Variants in LHX8 observed in about 807,000 individuals in gnomAD.
LHX8 encodes LIM/homeobox protein Lhx8.
A neutral mutation model predicts 40.3 loss-of-function variants in LHX8; 12 were observed. The ratio of observed to expected loss-of-function variants is 0.30; its 90% CI spans 0.19 to 0.48. The LOEUF is 0.48. Ranked by LOEUF, LHX8 falls within the 20% of genes least tolerant of loss-of-function variation. The pLI is 0.99. For missense variants in LHX8, 344 were observed against 433.7 expected, an observed-to-expected ratio of 0.79 and a Z score of 1.84; for synonymous variants, 179 against 162.0, an observed-to-expected ratio of 1.10 and a Z score of -0.80.
chr1:75,130,928 AT>A, upstream of LHX8: 1 of 660,844 alleles, frequency 1.5e-6, no homozygotes, highest in East Asian at 2.7e-5. Context: ...GCCAACCAGA[AT>A]TCTGCCAGAA....
At chr1:75,135,242 G>A (rs1427831074) in intron 1 of LHX8, among the ~76,000 whole-genome samples, 5 of 152,246 alleles carry the variant, frequency 3.3e-5, no homozygotes, top group African/African-American at 1.2e-4. Context: ...AAGCTGACAA[G>A]CTCTCACCTC....
At chr1:75,190,920 AAAG>A in the LHX8 span, among the ~76,000 whole-genome samples, 1 of 152,212 alleles carries the variant, frequency 6.6e-6, no homozygotes, top group Non-Finnish European at 1.5e-5. Flanking sequence ...GAGTTTAAAA[AAAG>A]AAAAGATTAT....
the LHX8 span, among the ~76,000 whole-genome samples, chr1:75,181,395 T>C: frequency 1.3e-5 from 2 of 152,190 alleles, no homozygotes; most frequent in Non-Finnish European, 1.5e-5. Flanking sequence ...CTGCTTTGTT[T>C]ACTTACTCAA....
At chr1:75,191,317 A>G in the LHX8 span, among the ~76,000 whole-genome samples, 2 of 152,124 alleles carry the variant, frequency 1.3e-5, no homozygotes, top group Non-Finnish European at 2.9e-5. Flanking sequence ...GCAACCCACA[A>G]TGCCATTAAT....
chr1:75,161,031 T>G lies in LHX8; in HGVS notation c.*136T>G. On this transcript the variant is annotated 3_prime_UTR_variant, in exon 9 of 9. Transcript: ENST00000356261. ...TTCCAACATCACTTTGCTGCCCAGGTATGTATCTATAGTTGGCCTGCAAGA... is the reference window on the plus strand; with the variant it reads ...TTCCAACATCACTTTGCTGCCCAGGGATGTATCTATAGTTGGCCTGCAAGA... The G allele has an allele frequency of 1.5e-6, 1 of 688,116 alleles. No homozygotes were observed. Among genetic ancestry groups the G allele is most frequent in the Non-Finnish European group, 2.6e-6 (1 of 388,114 alleles). 42.6% of individuals were successfully genotyped at this position (688,116 alleles called of 1,614,324 possible).
intron 8 of LHX8, 25 bp from the exon 9 acceptor site, chr1:75,160,794 C>T (rs771706576): frequency 6.5e-7 from 1 of 1,537,260 alleles, no homozygotes. Flanking sequence ...CAAAACTGAT[C>T]CACAAATTTC....
At chr1:75,190,297 G>T in the LHX8 span, among the ~76,000 whole-genome samples, 2 of 151,466 alleles carry the variant, frequency 1.3e-5, no homozygotes, top group Admixed American at 1.3e-4. Flanking sequence ...ACTTTTTTGG[G>T]GCTTTTTATT....
chr1:75,130,566 C>T (rs1647935277), upstream of LHX8: 1 of 794,456 alleles, frequency 1.3e-6, no homozygotes, highest in African/African-American at 1.7e-5. Flanking sequence ...GACGGAGGCC[C>T]TCGCCCGCTT....
At chr1:75,146,277 G>C (rs937344337) in intron 6 of LHX8, among the ~76,000 whole-genome samples, 5 of 152,082 alleles carry the variant, frequency 3.3e-5, no homozygotes, top group African/African-American at 1.2e-4. Context: ...AGTTAAAATG[G>C]AAGGGATAAA....
At chr1:75,149,587 G>A (rs550640435) in intron 7 of LHX8, among the ~76,000 whole-genome samples, 18 of 152,120 alleles carry the variant, frequency 1.2e-4, no homozygotes, top group Admixed American at 5.9e-4. Context: ...AGGGTCATGG[G>A]TGGCCTAGGC....
chr1:75,136,765 G>A (rs988992486), intron 2 of LHX8, 76 bp downstream of exon 2: 4 of 1,276,368 alleles, frequency 3.1e-6, no homozygotes, highest in South Asian at 1.3e-5. Context: ...CGCTGTCCCC[G>A]CGCTCCTTCC....
chr1:75,192,566 G>A, the LHX8 span, among the ~76,000 whole-genome samples: 1 of 152,250 alleles, frequency 6.6e-6, no homozygotes, highest in Admixed American at 6.5e-5. Context: ...ATCACAGAAA[G>A]GGATCAGACT....
chr1:75,195,404 A>G, the LHX8 span, among the ~76,000 whole-genome samples: 1 of 152,106 alleles, frequency 6.6e-6, no homozygotes, highest in African/African-American at 2.4e-5. Context: ...AGAGGGAGAA[A>G]AGGAAACAGT....
the LHX8 span, among the ~76,000 whole-genome samples, chr1:75,178,604 G>T: frequency 6.6e-6 from 1 of 151,558 alleles, no homozygotes; most frequent in Non-Finnish European, 1.5e-5. Context: ...TCAATTTGTT[G>T]ATCTTTTCAA....
chr1:75,163,032 T>TG (rs1648961974), downstream of LHX8, among the ~76,000 whole-genome samples: 1 of 151,192 alleles, frequency 6.6e-6, no homozygotes, highest in Admixed American at 6.6e-5. Context: ...TTTTTTTTTT[T>TG]GCAATTCAAA....
rs1648160478 is a variant in LHX8 at position 75,136,975 on chromosome 1, A to G, written c.76-125A>G. ...GAGGGCGAGAATCGTGACCTCAAGA[A>G]GCTGGGGGTGGGGTGGGGTGGCCAG... On this transcript the variant is annotated intron_variant, in intron 2 of 8. Coordinates refer to ENST00000356261, the MANE Select transcript of LHX8 (RefSeq NM_001256114.2). 4.5e-5 allele frequency: 34 copies of G among 750,204 alleles called. 1 individual carries two copies. The South Asian group carries it at 9.1e-4, about 20-fold the overall frequency. The allele number at this position is 750,204 out of a possible 1,614,324, so 46.5% of individuals were successfully genotyped here.
chr1:75,170,337 A>G, the LHX8 span, among the ~76,000 whole-genome samples: 1 of 152,220 alleles, frequency 6.6e-6, no homozygotes, highest in African/African-American at 2.4e-5. Flanking sequence ...GGCCTAAATC[A>G]TAGCACAAAA....
the LHX8 span, among the ~76,000 whole-genome samples, chr1:75,198,378 A>G: frequency 3.3e-5 from 5 of 152,184 alleles, no homozygotes; most frequent in Non-Finnish European, 7.3e-5. Context: ...TCCTCAGTCA[A>G]GAGAATATCA....
chr1:75,182,427 G>T, the LHX8 span, among the ~76,000 whole-genome samples: 2 of 139,814 alleles, frequency 1.4e-5, no homozygotes, highest in East Asian at 4.2e-4. Context: ...AAGCTGGAGT[G>T]CAATGGTGCG....
Sources: gnomAD v4.1 joint callset for allele counts (sites outside exome capture counted in the v4.1 genomes callset) on GRCh38, gnomAD v4.1.1 for gene constraint, MANE v1.5 for transcripts, NCBI Gene and HGNC (gene_info 2026-07-23, HGNC 2026-07-21) for gene names.